Variants in CALCRL observed in about 807,000 individuals in gnomAD.
CALCRL encodes the protein calcitonin gene-related peptide type 1 receptor.
Under a neutral mutation model 60.4 loss-of-function variants are expected in CALCRL, and 27 were observed. That is an observed-to-expected ratio of 0.45 (90% CI 0.33 to 0.62). CALCRL has a LOEUF of 0.62. Ranked by LOEUF, CALCRL falls within the 20% of genes least tolerant of loss-of-function variation. The pLI, the probability that CALCRL is intolerant of heterozygous loss-of-function variation, is 0.03. For synonymous variants in CALCRL, 190 were observed against 182.6 expected (o/e 1.04, Z -0.33); for missense variants, 424 against 540.7 (o/e 0.78, Z 2.14).
At chr2:187,357,732 A>C (rs1317840490) in intron 12 of CALCRL, among the ~76,000 whole-genome samples, 1 of 151,554 alleles carries the variant, frequency 6.6e-6, no homozygotes, top group East Asian at 2.0e-4. Flanking sequence ...CCAGCATGGC[A>C]CATGTATACA....
intron 1 of CALCRL, among the ~76,000 whole-genome samples, chr2:187,393,981 T>C (rs1054750509): frequency 7.9e-5 from 12 of 152,086 alleles, no homozygotes; most frequent in Non-Finnish European, 1.5e-4. Flanking sequence ...ACAGCTATGA[T>C]TTAGGTTATG....
At position 187,380,785 on chromosome 2, in the gene CALCRL, C is replaced by T. The variant is rs757975393; in HGVS notation, c.187G>A (p.Val63Ile). 1.9e-5 allele frequency: 30 copies of T among 1,610,914 alleles called. No homozygotes were observed. Among genetic ancestry groups the T allele is most frequent in the Admixed American group, 1.0e-4 (6 of 59,924 alleles). The change falls in exon 6 of 15, where the codon GTT (valine) becomes ATT (isoleucine). Residue 63 changes from valine (V) to isoleucine (I), a missense_variant and splice_region_variant. Val to Ile is a conservative substitution (Grantham distance 29). This residue lies in a region of CALCRL where 108 missense variants were observed against 132.9 expected (regional missense o/e 0.81). Coordinates refer to ENST00000392370, the MANE Select transcript of CALCRL (RefSeq NM_005795.6). Reference sequence around the variant, plus strand: ...CCATCCCAGGTTCTGTTGCAGTAAACGCCTTAGTGGGGAAATAATAATTGG... The same window carrying T: ...CCATCCCAGGTTCTGTTGCAGTAAATGCCTTAGTGGGGAAATAATAATTGG... ...MQDPIQQAEG[V>I]YCNRTWDGWL...
chr2:187,411,553 T>C (rs562722010), intron 1 of CALCRL, among the ~76,000 whole-genome samples: 8 of 152,128 alleles, frequency 5.3e-5, no homozygotes, highest in Non-Finnish European at 1.0e-4. Flanking sequence ...AATTATTTAG[T>C]GATGGATCAT....
chr2:187,367,786 G>C (rs1457540018), intron 8 of CALCRL, among the ~76,000 whole-genome samples: 1 of 151,962 alleles, frequency 6.6e-6, no homozygotes, highest in Non-Finnish European at 1.5e-5. Context: ...CCACAGAACA[G>C]AAAATGGGGT....
chr2:187,422,713 A>T (rs1451403882), intron 1 of CALCRL, among the ~76,000 whole-genome samples: 2 of 151,894 alleles, frequency 1.3e-5, no homozygotes, highest in African/African-American at 4.8e-5. Context: ...TATCAGCAAC[A>T]TTGTGTTGCT....
chr2:187,345,356 CAG>C lies in CALCRL; in HGVS notation c.*826_*827del, dbSNP rs1686232042. 1 of 152,114 alleles carries C rather than the reference CAG, an allele frequency of 6.6e-6. No homozygotes were observed. The highest frequency in any genetic ancestry group is 1.5e-5 in the Non-Finnish European group (1 of 67,824). The allele number at this position is 152,114 out of a possible 1,614,324, so 9.4% of individuals were successfully genotyped here. On this transcript the variant is annotated 3_prime_UTR_variant, in exon 15 of 15. Transcript: ENST00000392370. Reference sequence around the variant, plus strand: ...TAAAATGATTGCTAATTTGTTTATACAGTAGAAATGGAAGGGACAAAATTTAT... The same window carrying C: ...TAAAATGATTGCTAATTTGTTTATACTAGAAATGGAAGGGACAAAATTTAT...
At chr2:187,402,074 T>C (rs1688913209) in intron 1 of CALCRL, among the ~76,000 whole-genome samples, 1 of 151,612 alleles carries the variant, frequency 6.6e-6, no homozygotes, top group African/African-American at 2.4e-5. Context: ...AATTGTTATT[T>C]TTATTAAAAG....
intron 1 of CALCRL, among the ~76,000 whole-genome samples, chr2:187,422,869 A>G (rs1389776272): frequency 1.3e-5 from 2 of 151,958 alleles, no homozygotes; most frequent in African/African-American, 4.8e-5. Context: ...CTCAATTTTT[A>G]GTGTAAAATA....
intron 1 of CALCRL, among the ~76,000 whole-genome samples, chr2:187,416,381 T>C (rs541249920): frequency 2.6e-5 from 4 of 152,304 alleles, no homozygotes; most frequent in African/African-American, 9.6e-5. Context: ...TGACATAGAA[T>C]ATCTTCTGTA....
At chr2:187,354,023 A>G (rs1275830619) in intron 12 of CALCRL, among the ~76,000 whole-genome samples, 2 of 152,140 alleles carry the variant, frequency 1.3e-5, no homozygotes, top group East Asian at 3.9e-4. Flanking sequence ...TCCACACAAC[A>G]TAGTTTTGAG....
chr2:187,443,066 G>T (rs187301523), intron 1 of CALCRL, among the ~76,000 whole-genome samples: 1 of 151,706 alleles, frequency 6.6e-6, no homozygotes, highest in Non-Finnish European at 1.5e-5. Flanking sequence ...TAATATGCAG[G>T]TATTTTAAAG....
chr2:187,404,884 CT>C (rs2105833034), intron 1 of CALCRL, among the ~76,000 whole-genome samples: 2 of 151,830 alleles, frequency 1.3e-5, no homozygotes, highest in South Asian at 4.2e-4. Flanking sequence ...GCAGTAGGGA[CT>C]TGTACCAGAG....
At chr2:187,423,382 T>A (rs959080269) in intron 1 of CALCRL, among the ~76,000 whole-genome samples, 2 of 151,704 alleles carry the variant, frequency 1.3e-5, no homozygotes, top group Admixed American at 6.6e-5. Flanking sequence ...TTTTACCAAC[T>A]GTACATATGT....
At position 187,403,080 on chromosome 2, in the gene CALCRL, A is replaced by C. The variant is rs76987177; in HGVS notation, c.-292-15324T>G. On this transcript the variant is annotated intron_variant, in intron 1 of 14. Coordinates refer to ENST00000392370, the MANE Select transcript of CALCRL (RefSeq NM_005795.6). ...CCAACCATGCTGGCACCCTAATTTC[A>C]GACTTCCATGCTCCAGAAATGTAAA... is the stretch of plus-strand genomic sequence containing the variant. Among the ~76,000 whole-genome samples the C allele has an allele frequency of 3.3e-5, 5 of 151,842 alleles. No homozygotes were observed. In the East Asian group the frequency reaches 9.7e-4, roughly 30 times the overall value.
intron 14 of CALCRL, among the ~76,000 whole-genome samples, chr2:187,350,500 A>G (rs1686478668): frequency 6.7e-6 from 1 of 149,700 alleles, no homozygotes; most frequent in South Asian, 2.2e-4. Context: ...TTATGGAAGT[A>G]CCACTTAAAT....
At chr2:187,426,802 C>T (rs1459645208) in intron 1 of CALCRL, among the ~76,000 whole-genome samples, 1 of 152,018 alleles carries the variant, frequency 6.6e-6, no homozygotes, top group African/African-American at 2.4e-5. Context: ...TTGATTAATT[C>T]AAGAGTTGAA....
intron 1 of CALCRL, among the ~76,000 whole-genome samples, chr2:187,405,856 A>G (rs1462980915): frequency 6.6e-6 from 1 of 152,020 alleles, no homozygotes; most frequent in East Asian, 1.9e-4. Context: ...GATACTTAGT[A>G]TGCAATAACT....
chr2:187,415,741 A>G, intron 1 of CALCRL: 1 of 521,170 alleles, frequency 1.9e-6, no homozygotes. Flanking sequence ...GGGGGCTGGC[A>G]TTGCTCTCAA....
At chr2:187,415,544 G>A in intron 1 of CALCRL, 1 of 443,698 alleles carries the variant, frequency 2.3e-6, no homozygotes, top group Non-Finnish European at 4.1e-6. Context: ...TTTGGGACAG[G>A]AAACTCTGCC....
Sources: gnomAD v4.1 joint callset for allele counts (sites outside exome capture counted in the v4.1 genomes callset) on GRCh38, gnomAD v4.1.1 for gene constraint, gnomAD v4.1.1 regional missense constraint, MANE v1.5 for transcripts, NCBI Gene and HGNC (gene_info 2026-07-23, HGNC 2026-07-21) for gene names.